Variants in ZC3H7A observed in about 807,000 individuals in gnomAD.
The protein encoded by ZC3H7A is zinc finger CCCH domain-containing protein 7A.
ZC3H7A carries 44 observed loss-of-function variants against 125.5 expected under a neutral mutation model. The ratio of observed to expected loss-of-function variants is 0.35; its 90% CI spans 0.28 to 0.45. The LOEUF (loss-of-function observed/expected upper bound fraction) is 0.45, where lower values mean the gene tolerates loss of function less well. ZC3H7A is among the 20% of genes least tolerant of loss of function. ZC3H7A has a pLI of 1.00. For missense variants in ZC3H7A, 977 were observed against 1,170.7 expected (o/e 0.83, Z 2.41); for synonymous variants, 399 against 391.2 (o/e 1.02, Z -0.23).
At chr16:11,782,536 G>A (rs370742927) in intron 1 of ZC3H7A, 148 bp from the exon 2 acceptor site, 128 of 571,600 alleles carry the variant, frequency 2.2e-4, no homozygotes, top group African/African-American at 9.9e-4. Context: ...GGCAGGGACC[G>A]TACAGGAGTC....
In ZC3H7A at chr16:11,751,164, C is replaced by T. The variant is rs886955181; in HGVS notation, c.*153G>A. On this transcript the variant is annotated 3_prime_UTR_variant, in exon 23 of 23. Coordinates refer to ENST00000355758, the MANE Select transcript of ZC3H7A (RefSeq NM_014153.4). Reference sequence around the variant, plus strand: ...AGCGTGGCCAGGCCTGTGAAACAGCCCATTTTCCTACCTACTGTGGGTTGC... The same window carrying T: ...AGCGTGGCCAGGCCTGTGAAACAGCTCATTTTCCTACCTACTGTGGGTTGC... 5.2e-5 allele frequency: 39 copies of T among 749,822 alleles called. 1 individual carries two copies. In the South Asian group the frequency reaches 8.0e-4, roughly 15 times the overall value. The allele number at this position is 749,822 out of a possible 1,614,324, so 46.4% of individuals were successfully genotyped here. A position where few individuals can be genotyped will look rare whatever the true frequency, so the allele number is the denominator to read the frequency against.
Position 11,765,421 on chromosome 16 carries a change from T to C in ZC3H7A, c.1719+68A>G, listed in dbSNP as rs2052838188. On this transcript the variant is annotated intron_variant, in intron 14 of 22. Transcript: ENST00000355758. This position sits in a 1 kb window ranked among gnomAD's most constrained non-coding sequence, Gnocchi z 4.8. ...TTTACCAAGTGAATGTTTTATCACA[T>C]GGCAGGACAATACCACTGGGCTTGC... is the stretch of plus-strand genomic sequence containing the variant. 1 of 1,187,594 alleles carries C rather than the reference T, an allele frequency of 8.4e-7. No individual in the cohort carries two copies. Among genetic ancestry groups the C allele is most frequent in the Non-Finnish European group, 1.2e-6 (1 of 842,270 alleles). 73.6% of individuals were successfully genotyped at this position (1,187,594 alleles called of 1,614,324 possible).
Position 11,758,552 on chromosome 16 carries a change from A to C in ZC3H7A, c.2320-13T>G. 6.3e-7 allele frequency: 1 copy of C among 1,594,596 alleles called. No homozygotes were observed. The highest frequency in any genetic ancestry group is 8.6e-7 in the Non-Finnish European group (1 of 1,163,906). Reference sequence around the variant, plus strand: ...TATGGTTGCACAGCTGTATAAAAAAATAGGAATATGATTAAGACAAAGTAC... The same window carrying C: ...TATGGTTGCACAGCTGTATAAAAAACTAGGAATATGATTAAGACAAAGTAC... On this transcript the variant is annotated splice_polypyrimidine_tract_variant and intron_variant, in intron 19 of 22. Coordinates refer to ENST00000355758, the MANE Select transcript of ZC3H7A (RefSeq NM_014153.4).
At chr16:11,774,091 G>T in intron 9 of ZC3H7A, 145 bp downstream of exon 9, 1 of 762,518 alleles carries the variant, frequency 1.3e-6, no homozygotes. Context: ...AGTTTCAGTA[G>T]AGAAGAAAAA....
At chr16:11,784,817 G>T (rs1352099022) in intron 1 of ZC3H7A, among the ~76,000 whole-genome samples, 3 of 144,308 alleles carry the variant, frequency 2.1e-5, no homozygotes, top group Admixed American at 7.0e-5. Flanking sequence ...TCACGTCATT[G>T]CACTCCAGCC....
At chr16:11,784,338 TA>T (rs1047122099) in intron 1 of ZC3H7A, among the ~76,000 whole-genome samples, 37 of 152,124 alleles carry the variant, frequency 2.4e-4, no homozygotes, top group African/African-American at 7.2e-4. Context: ...AAAATTTATA[TA>T]TTTTTTTAAT....
rs55932357 is a variant in ZC3H7A, at chr16:11,763,710, AATATATATATATATATATAT to A, written c.1821-71_1821-52del. On this transcript the variant is annotated intron_variant, in intron 15 of 22. Transcript: ENST00000355758. ...ATATTGTTCTGCCATAGATTTTTCA[AATATATATATATATATATAT>A]ATATATATATATATATATATATATA... The A allele has an allele frequency of 6.0e-3, 1,368 of 228,852 alleles. 36 individuals carry two copies. Among genetic ancestry groups the A allele is most frequent in the African/African-American group, 0.023 (667 of 29,524 alleles). The allele number at this position is 228,852 out of a possible 1,614,324, so 14.2% of individuals were successfully genotyped here.
At chr16:11,778,368 C>T (rs542974234) in intron 4 of ZC3H7A, among the ~76,000 whole-genome samples, 42 of 136,168 alleles carry the variant, frequency 3.1e-4, no homozygotes, top group African/African-American at 1.1e-3. Context: ...ACCCAGGAGG[C>T]GGAGGTTGCA....
rs1369412112 is a variant in ZC3H7A at position 11,762,361 on chromosome 16, G to A, written c.2079+310C>T. On this transcript the variant is annotated intron_variant, in intron 17 of 22. Coordinates refer to ENST00000355758, the MANE Select transcript of ZC3H7A (RefSeq NM_014153.4). ...AAAAACGAGACATGCCAGGTGGAAAGCTAAACTATAAAAATAATCTAACCC... is the reference window on the plus strand; with the variant it reads ...AAAAACGAGACATGCCAGGTGGAAAACTAAACTATAAAAATAATCTAACCC... Among the ~76,000 whole-genome samples the A allele has an allele frequency of 3.3e-5, 5 of 152,110 alleles. No homozygotes were observed. In the South Asian group the frequency reaches 1.0e-3, roughly 32 times the overall value.
intron 4 of ZC3H7A, 94 bp from the exon 5 acceptor site, chr16:11,777,003 C>G (rs1396851320): frequency 1.0e-6 from 1 of 986,062 alleles, no homozygotes; most frequent in Non-Finnish European, 1.4e-6. Flanking sequence ...AATACCCCAT[C>G]CTATTACCCT....
chr16:11,779,281 C>T lies in ZC3H7A; in HGVS notation c.191G>A (p.Ser64Asn). The change falls in exon 4 of 23, where the codon AGC becomes AAC. Residue 64 changes from serine (S) to asparagine (N), a missense_variant. Coordinates refer to ENST00000355758, the MANE Select transcript of ZC3H7A (RefSeq NM_014153.4). ...TATATTCAAGGCTTCCGTGTACTGG[C>T]TTATCGAGTTGTTCCAATCATGTTC... ...YREHDWNNSISQYTEALNIAD... is the reference protein window; with the variant it reads ...YREHDWNNSINQYTEALNIAD... 6.2e-7 allele frequency: 1 copy of T among 1,614,066 alleles called. No individual in the cohort carries two copies. Among genetic ancestry groups the T allele is most frequent in the Non-Finnish European group, 8.5e-7 (1 of 1,179,984 alleles).
intron 1 of ZC3H7A, among the ~76,000 whole-genome samples, chr16:11,788,674 C>T (rs1172479315): frequency 3.4e-5 from 5 of 148,500 alleles, no homozygotes; most frequent in Admixed American, 6.8e-5. Context: ...AGTGTAGTGG[C>T]GTGATCTCGG....
chr16:11,756,195 A>G lies in ZC3H7A; in HGVS notation c.2562+42T>C, dbSNP rs372456306. ...GAAAAGGGAAAAGAAAGGCTCCATC[A>G]ATGGCTCGGCAAAGAGAGGGTAAAT... On this transcript the variant is annotated intron_variant, in intron 21 of 22. Coordinates refer to ENST00000355758, the MANE Select transcript of ZC3H7A (RefSeq NM_014153.4). 7 of 1,581,508 alleles carry G rather than the reference A, an allele frequency of 4.4e-6. No individual in the cohort carries two copies. The African/African-American group carries it at 9.6e-5, about 22-fold the overall frequency.
At chr16:11,774,590 A>G (rs1300765468) in intron 8 of ZC3H7A, 71 bp from the exon 9 acceptor site, 1 of 1,418,264 alleles carries the variant, frequency 7.1e-7, no homozygotes, top group African/African-American at 1.4e-5. Flanking sequence ...AATCCCCAAT[A>G]ATAGAGATAC....
intron 21 of ZC3H7A, among the ~76,000 whole-genome samples, chr16:11,753,324 A>G (rs375258454): frequency 4.6e-5 from 7 of 152,374 alleles, no homozygotes; most frequent in African/African-American, 1.7e-4. Context: ...AAGTGCTACA[A>G]CAGATGCAAA....
chr16:11,775,373 A>G (rs773626360), intron 7 of ZC3H7A, among the ~76,000 whole-genome samples: 83 of 142,822 alleles, frequency 5.8e-4, no homozygotes, highest in Non-Finnish European at 9.9e-4. Context: ...TCTGTCTTGG[A>G]AAAAAAAAAA....
In ZC3H7A at chr16:11,752,865, T is replaced by C. The variant is rs1461452772; in HGVS notation, c.2563-33A>G. The C allele has an allele frequency of 1.9e-6, 3 of 1,598,242 alleles. No homozygotes were observed. In the African/African-American group the frequency reaches 4.0e-5, roughly 22 times the overall value. ...GCAGCAAAGACACATGTCCCATTAG[T>C]CACCTGATGTGAGATCCAGACTCAA... On this transcript the variant is annotated intron_variant, in intron 21 of 22. Coordinates refer to ENST00000355758, the MANE Select transcript of ZC3H7A (RefSeq NM_014153.4).
intron 1 of ZC3H7A, among the ~76,000 whole-genome samples, chr16:11,795,811 T>C (rs1283192096): frequency 2.6e-5 from 4 of 152,184 alleles, no homozygotes; most frequent in African/African-American, 9.6e-5. Context: ...GATTAACTTT[T>C]GTTTTTTTAT....
In ZC3H7A at chr16:11,774,964, A is replaced by G. The variant is rs753266526; in HGVS notation, c.619+16T>C. Reference sequence around the variant, plus strand: ...TGGCACTATTCAAATTGTTAAGATGATATGTGAAAACATACCTGGCTCAAT... The same window carrying G: ...TGGCACTATTCAAATTGTTAAGATGGTATGTGAAAACATACCTGGCTCAAT... On this transcript the variant is annotated intron_variant, in intron 8 of 22. Coordinates refer to ENST00000355758, the MANE Select transcript of ZC3H7A (RefSeq NM_014153.4). 3 of 1,613,958 alleles carry G rather than the reference A, an allele frequency of 1.9e-6. No homozygotes were observed. Among genetic ancestry groups the G allele is most frequent in the South Asian group, 2.2e-5 (2 of 91,074 alleles).
Sources: allele counts gnomAD v4.1 joint callset (sites outside exome capture counted in the v4.1 genomes callset), GRCh38; gene constraint gnomAD v4.1.1; non-coding constraint Gnocchi (gnomAD v3.1); transcripts MANE v1.5; gene names NCBI Gene and HGNC (gene_info 2026-07-23, HGNC 2026-07-21).